The following ZNF282 variants were observed in gnomAD, a reference collection of about 807,000 sequenced individuals.
ZNF282 encodes zinc finger protein 282, also known as HTLV-I U5 repressive element-binding protein 1.
In ZNF282, 30 loss-of-function variants were observed where a neutral mutation model predicts 61.9. The observed-to-expected ratio is 0.48, with a 90% CI of 0.36 to 0.66. The LOEUF (loss-of-function observed/expected upper bound fraction) is 0.66, where lower values mean the gene tolerates loss of function less well. Ranked by LOEUF, ZNF282 falls within the 30% of genes least tolerant of loss-of-function variation. The pLI is 0.00. For synonymous variants in ZNF282, 396 were observed against 405.0 expected, an observed-to-expected ratio of 0.98 and a Z score of 0.27; for missense variants, 788 against 941.4, an observed-to-expected ratio of 0.84 and a Z score of 2.13.
intron 4 of ZNF282, among the ~76,000 whole-genome samples, chr7:149,208,027 G>A (rs969337556): frequency 1.5e-4 from 23 of 152,284 alleles, no homozygotes; most frequent in Admixed American, 5.9e-4. Context: ...TGGAAAGGGT[G>A]GAAGGCCCTA....
Position 149,224,589 on chromosome 7 carries a change from G to T in ZNF282, c.1958G>T (p.Ser653Ile). Residue 653 changes from serine to isoleucine, a missense_variant, in exon 8 of 8, where the codon AGC becomes ATC. Coordinates refer to ENST00000610704, the MANE Select transcript of ZNF282 (RefSeq NM_003575.4). ...CTCAAGGACCACCTGCGCGTGCACAGCGGCGGCCCGGGCCCCGGCGCCCCA... is the reference window on the plus strand; with the variant it reads ...CTCAAGGACCACCTGCGCGTGCACATCGGCGGCCCGGGCCCCGGCGCCCCA... Reference protein sequence around the residue: ...ESLKDHLRVHSGGPGPGAPRQ... With the variant: ...ESLKDHLRVHIGGPGPGAPRQ... The T allele has an allele frequency of 6.3e-7, 1 of 1,579,174 alleles. No individual in the cohort carries two copies. Among genetic ancestry groups the T allele is most frequent in the Non-Finnish European group, 8.6e-7 (1 of 1,166,964 alleles).
At position 149,224,254 on chromosome 7, in the gene ZNF282, C is replaced by T. The variant is rs1426025682; in HGVS notation, c.1623C>T (p.Thr541=). The change falls in exon 8 of 8, where the codon ACC becomes ACT. Residue 541 remains threonine, a synonymous_variant. Transcript: ENST00000610704. ...KSLIIHHRSH[T]KERPYECAEC... ...TCATCATCCACCACCGCAGCCACAC[C>T]AAGGAGCGGCCCTACGAGTGCGCTG... 1.2e-6 allele frequency: 2 copies of T among 1,612,408 alleles called. No individual in the cohort carries two copies. The highest frequency in any genetic ancestry group is 1.3e-5 in the African/African-American group (1 of 74,848).
At chr7:149,211,807 T>C (rs1197183836) in intron 5 of ZNF282, among the ~76,000 whole-genome samples, 1 of 152,120 alleles carries the variant, frequency 6.6e-6, no homozygotes, top group African/African-American at 2.4e-5. Flanking sequence ...AGTATTAGGA[T>C]CTTTAAGGAG....
Position 149,224,608 on chromosome 7 carries a change from C to A in ZNF282, c.1977C>A (p.Gly659=). 6.4e-7 allele frequency: 1 copy of A among 1,552,026 alleles called. No individual in the cohort carries two copies. ...LRVHSGGPGP[G]APRQLPPPPE... ...TGCACAGCGGCGGCCCGGGCCCCGG[C>A]GCCCCACGGCAGCTCCCGCCGCCTC... Residue 659 remains glycine, a synonymous_variant, in exon 8 of 8, where the codon GGC becomes GGA. Transcript: ENST00000610704.
rs767143869 is a variant in ZNF282 at position 149,198,286 on chromosome 7, C to A, written c.166-47C>A. 6 of 1,540,734 alleles carry A rather than the reference C, an allele frequency of 3.9e-6. No individual in the cohort carries two copies. The highest frequency in any genetic ancestry group is 5.2e-6 in the Non-Finnish European group (6 of 1,143,022). ...CTGTTCCCAGCTGACTTCCCCGGCT[C>A]ACACAAGGTCTCATCCTGGGTTGTC... On this transcript the variant is annotated intron_variant, in intron 1 of 7. Transcript: ENST00000610704. The surrounding 1 kb of genome is among the most constrained non-coding windows in gnomAD (Gnocchi z 4.3).
intron 7 of ZNF282, among the ~76,000 whole-genome samples, chr7:149,214,830 CA>C (rs979365351): frequency 2.6e-5 from 4 of 151,874 alleles, no homozygotes; most frequent in African/African-American, 9.7e-5. Flanking sequence ...GATCCTGTCT[CA>C]AAAAAACCTG....
chr7:149,209,187 G>A (rs1331193282), intron 4 of ZNF282, among the ~76,000 whole-genome samples: 3 of 148,594 alleles, frequency 2.0e-5, no homozygotes, highest in East Asian at 2.0e-4. Flanking sequence ...GCGTGGTGGC[G>A]GGCGCCTGTA....
intron 2 of ZNF282, among the ~76,000 whole-genome samples, chr7:149,199,513 C>T (rs971696470): frequency 3.3e-5 from 5 of 152,040 alleles, no homozygotes; most frequent in South Asian, 2.1e-4. Flanking sequence ...TCCTGCTGTC[C>T]GTCTTTAACA....
intron 2 of ZNF282, among the ~76,000 whole-genome samples, chr7:149,202,336 G>A (rs1795924582): frequency 6.7e-6 from 1 of 149,346 alleles, no homozygotes; most frequent in Non-Finnish European, 1.5e-5. Context: ...TTTTGAGACG[G>A]AGTCTTGCTC....
chr7:149,200,084 G>A (rs1439065004), intron 2 of ZNF282, among the ~76,000 whole-genome samples: 1 of 151,948 alleles, frequency 6.6e-6, no homozygotes, highest in Non-Finnish European at 1.5e-5. Context: ...TTTAATCTGC[G>A]GGCATCTCTT....
Position 149,224,088 on chromosome 7 carries a change from C to CGGAGGCG in ZNF282, c.1460_1466dup (p.Thr490GlyfsTer63). ...GATGGGGGCGGTGGGGGCGGCGGCG[C>CGGAGGCG]GGAGGCGGGGACGGGGGCAGGCGGC... On this transcript the variant is annotated frameshift_variant, in exon 8 of 8. Transcript: ENST00000610704. LOFTEE classifies it high-confidence loss of function. 1 of 1,297,126 alleles carries CGGAGGCG rather than the reference C, an allele frequency of 7.7e-7. No homozygotes were observed. The highest frequency in any genetic ancestry group is 9.8e-7 in the Non-Finnish European group (1 of 1,025,372). 80.4% of individuals were successfully genotyped at this position (1,297,126 alleles called of 1,614,324 possible).
chr7:149,223,879 A>C lies in ZNF282; in HGVS notation c.1248A>C (p.Pro416=). The C allele has an allele frequency of 7.3e-7, 1 of 1,375,130 alleles. No homozygotes were observed. Among genetic ancestry groups the C allele is most frequent in the South Asian group, 1.4e-5 (1 of 69,068 alleles). The allele number at this position is 1,375,130 out of a possible 1,614,324, so 85.2% of individuals were successfully genotyped here. A position where few individuals can be genotyped will look rare whatever the true frequency, so the allele number is the denominator to read the frequency against. Residue 416 remains proline, a synonymous_variant, in exon 8 of 8, where the codon CCA becomes CCC. Coordinates refer to ENST00000610704, the MANE Select transcript of ZNF282 (RefSeq NM_003575.4). ...CACAGCCCCAGCCCCAGCCCCAGCC[A>C]CCGCAGCCGCAGCTGCAGTCGCAGC... ...APPQPQPQPQ[P]PQPQLQSQPQ...
rs982275856 is a variant in ZNF282 at position 149,217,893 on chromosome 7, C to T, written c.1180+4079C>T. Among the ~76,000 whole-genome samples the T allele has an allele frequency of 4.6e-5, 7 of 152,140 alleles. No homozygotes were observed. The South Asian group carries it at 1.5e-3, about 32-fold the overall frequency. ...AGGAGGATGGAGCCGTAGACTGAGG[C>T]ACCTGAGCATGTATGACCTATGGGC... On this transcript the variant is annotated intron_variant, in intron 7 of 7. Transcript: ENST00000610704.
intron 4 of ZNF282, among the ~76,000 whole-genome samples, chr7:149,208,263 C>T (rs1796029552): frequency 6.6e-6 from 1 of 152,130 alleles, no homozygotes; most frequent in Non-Finnish European, 1.5e-5. Flanking sequence ...AATCTCAGCT[C>T]ACTGCAACCT....
chr7:149,221,285 G>C (rs1195292613), intron 7 of ZNF282, among the ~76,000 whole-genome samples: 13 of 152,194 alleles, frequency 8.5e-5, no homozygotes, highest in Admixed American at 6.5e-4. Flanking sequence ...CAAGCACAAC[G>C]GCGGAGCAAA....
chr7:149,195,820 G>A, intron 1 of ZNF282, 66 bp downstream of exon 1: 1 of 1,285,734 alleles, frequency 7.8e-7, no homozygotes, highest in Middle Eastern at 3.1e-4. Flanking sequence ...TGGGCCGCGG[G>A]ACCGGGCCGC....
rs776252428 is a variant in ZNF282 at position 149,225,220 on chromosome 7, CG to C, written c.*575del. The C allele has an allele frequency of 6.5e-6, 1 of 154,940 alleles. No individual in the cohort carries two copies. The highest frequency in any genetic ancestry group is 1.4e-5 in the Non-Finnish European group (1 of 69,670). The allele number at this position is 154,940 out of a possible 1,614,324, so 9.6% of individuals were successfully genotyped here. On this transcript the variant is annotated 3_prime_UTR_variant, in exon 8 of 8. Coordinates refer to ENST00000610704, the MANE Select transcript of ZNF282 (RefSeq NM_003575.4). ...CGAGTAAAGTGAGAGGCAGGTGAGA[CG>C]GTTCACCCAATCACACGGGAAGGGG... is the stretch of plus-strand genomic sequence containing the variant.
rs748685953 is a variant in ZNF282 at position 149,206,840 on chromosome 7, C to T, written c.712+18C>T. 1.1e-5 allele frequency: 17 copies of T among 1,613,612 alleles called. No homozygotes were observed. The highest frequency in any genetic ancestry group is 1.4e-5 in the Non-Finnish European group (16 of 1,179,950). On this transcript the variant is annotated intron_variant, in intron 3 of 7. Coordinates refer to ENST00000610704, the MANE Select transcript of ZNF282 (RefSeq NM_003575.4). ...GTCCCTGGGTAAGGACACCTTCTCT[C>T]CTCTTTGGTGAGCCATCTCTGCAGA... is the stretch of plus-strand genomic sequence containing the variant.
In ZNF282 at chr7:149,213,756, A is replaced by G. The variant is rs114974629; in HGVS notation, c.1122A>G (p.Pro374=). Residue 374 remains proline (P), a synonymous_variant, in exon 7 of 8, where the codon CCA becomes CCG. Coordinates refer to ENST00000610704, the MANE Select transcript of ZNF282 (RefSeq NM_003575.4). ...ILSWIKQEEQ[P]YPWGPRDSMD... ...CATGGATCAAGCAGGAGGAGCAGCC[A>G]TACCCATGGGGACCACGCGACTCAA... 0.012 allele frequency: 19,767 copies of G among 1,613,886 alleles called. 141 individuals are homozygous for G. The highest frequency in any genetic ancestry group is 0.015 in the Non-Finnish European group (17,584 of 1,179,928).
Sources: allele counts gnomAD v4.1 joint callset (sites outside exome capture counted in the v4.1 genomes callset), GRCh38; gene constraint gnomAD v4.1.1; non-coding constraint Gnocchi (gnomAD v3.1); transcripts MANE v1.5; gene names NCBI Gene and HGNC (gene_info 2026-07-23, HGNC 2026-07-21).